SAMSN1: variants seen among roughly 807,000 people sequenced by gnomAD.
The protein encoded by SAMSN1 is SAM domain-containing protein SAMSN-1.
Under a neutral mutation model 42.0 loss-of-function variants are expected in SAMSN1, and 31 were observed. The ratio of observed to expected loss-of-function variants is 0.74; its 90% CI spans 0.55 to 1.00. The LOEUF is 1.00. Among genes scored for constraint, SAMSN1 ranks in the 50% least tolerant of loss-of-function variants. The probability of loss-of-function intolerance (pLI) is 0.00; values close to 1 mark genes in which losing one functional copy is unlikely to be tolerated. For synonymous variants in SAMSN1, 178 were observed against 151.9 expected (o/e 1.17, Z -1.26); for missense variants, 464 against 439.4 (o/e 1.06, Z -0.50).
At chr21:14,570,509 T>A (rs1344099353) in intron 2 of SAMSN1, among the ~76,000 whole-genome samples, 1 of 152,226 alleles carries the variant, frequency 6.6e-6, no homozygotes, top group Non-Finnish European at 1.5e-5. Flanking sequence ...AGATTTGGAA[T>A]GTGCAGTCGT....
rs143359821 is a variant in SAMSN1, at chr21:14,567,539, G to A, written c.261+14597C>T. On this transcript the variant is annotated intron_variant, in intron 2 of 8. Transcript: ENST00000285670. ...CTCTAATGGGATTTTTAGCCCAGTC[G>A]GTTGGAAAGCACAAAACTACCTCTG... is the stretch of plus-strand genomic sequence containing the variant. 9.2e-5 allele frequency among the ~76,000 whole-genome samples: 14 copies of A among 152,182 alleles called. 1 individual carries two copies. The South Asian group carries it at 2.1e-3, about 23-fold the overall frequency.
chr21:14,510,458 C>A lies in SAMSN1; in HGVS notation c.413G>T (p.Gly138Val), dbSNP rs759720021. 6.2e-7 allele frequency: 1 copy of A among 1,614,038 alleles called. No homozygotes were observed. Among genetic ancestry groups the A allele is most frequent in the Non-Finnish European group, 8.5e-7 (1 of 1,179,946 alleles). Residue 138 changes from glycine (G) to valine (V), a missense_variant, in exon 5 of 8, where the codon GGC (glycine) becomes GTC (valine). Transcript: ENST00000400566. ...SLYSGQSSSS[G>V]ITSCSDGTSN... is the part of the protein sequence containing the mutation. ...TGTACCATCTGAACAGCTTGTTATGCCACCTGATGAAAGCAGAAGTTCACA... is the reference window on the plus strand; with the variant it reads ...TGTACCATCTGAACAGCTTGTTATGACACCTGATGAAAGCAGAAGTTCACA...
intron 1 of SAMSN1, among the ~76,000 whole-genome samples, chr21:14,542,483 AAAAT>A (rs1187620572): frequency 6.6e-6 from 1 of 152,234 alleles, no homozygotes; most frequent in African/African-American, 2.4e-5. Context: ...TAAATATAGA[AAAAT>A]AAAATATTTT....
intron 3 of SAMSN1, among the ~76,000 whole-genome samples, chr21:14,516,578 G>A (rs1568780716): frequency 6.6e-6 from 1 of 152,090 alleles, no homozygotes; most frequent in Non-Finnish European, 1.5e-5. Context: ...TTTTAGTAGA[G>A]ACGGGGTTTC....
At chr21:14,586,060 G>A (rs1348845079), upstream of SAMSN1, among the ~76,000 whole-genome samples, 1 of 151,554 alleles carries the variant, frequency 6.6e-6, no homozygotes, top group Admixed American at 6.6e-5. Context: ...GTCAGGAGAT[G>A]GAGACCATCC....
At chr21:14,633,209 A>G (rs1350702782) in intron 2 of SAMSN1, among the ~76,000 whole-genome samples, 1 of 152,046 alleles carries the variant, frequency 6.6e-6, no homozygotes, top group African/African-American at 2.4e-5. Context: ...ACACACACAC[A>G]TACACACACA....
At chr21:14,552,769 A>C (rs1980641858) in intron 2 of SAMSN1, among the ~76,000 whole-genome samples, 1 of 152,130 alleles carries the variant, frequency 6.6e-6, no homozygotes, top group Non-Finnish European at 1.5e-5. Flanking sequence ...TTGGAGGTTT[A>C]GCTCTCCAAT....
At chr21:14,636,311 C>G (rs80249127) in intron 2 of SAMSN1, among the ~76,000 whole-genome samples, 1 of 152,110 alleles carries the variant, frequency 6.6e-6, no homozygotes, top group Admixed American at 6.5e-5. Flanking sequence ...CTTCTCATCT[C>G]CCAAAAAGAC....
intron 2 of SAMSN1, among the ~76,000 whole-genome samples, chr21:14,629,305 C>T (rs1196273369): frequency 6.6e-6 from 1 of 152,176 alleles, no homozygotes; most frequent in Non-Finnish European, 1.5e-5. Flanking sequence ...CTGCCATCAT[C>T]ATCATCAAAG....
intron 5 of SAMSN1, among the ~76,000 whole-genome samples, chr21:14,606,512 T>C (rs974657677): frequency 5.3e-5 from 8 of 152,110 alleles, no homozygotes; most frequent in Non-Finnish European, 7.4e-5. Context: ...TTCTTTTTTA[T>C]AAACTCAAGT....
intron 2 of SAMSN1, among the ~76,000 whole-genome samples, chr21:14,579,225 A>G (rs1240990228): frequency 6.6e-6 from 1 of 152,178 alleles, no homozygotes; most frequent in East Asian, 1.9e-4. Flanking sequence ...CCCTCTCTCC[A>G]AGTCCACTGA....
intron 2 of SAMSN1, among the ~76,000 whole-genome samples, chr21:14,577,284 A>ATATATT (rs1460040142): frequency 6.1e-4 from 33 of 53,822 alleles, no homozygotes; most frequent in Admixed American, 1.1e-3. Flanking sequence ...ATATATATAT[A>ATATATT]TTTTTTTTTT....
chr21:14,539,847 G>C lies in SAMSN1; in HGVS notation c.57+6358C>G, dbSNP rs182930443. ...GCCCGCATCGCCAAGTCAATCCTAA[G>C]CCAGAAGAACAAAGCTGGAGGCATC... On this transcript the variant is annotated intron_variant, in intron 1 of 7. Coordinates refer to ENST00000400566, the MANE Select transcript of SAMSN1 (RefSeq NM_022136.5). Among the ~76,000 whole-genome samples, 116 of 152,224 alleles carry C rather than the reference G, an allele frequency of 7.6e-4. 1 individual carries two copies. The highest frequency in any genetic ancestry group is 1.3e-3 in the Non-Finnish European group (89 of 68,030).
intron 7 of SAMSN1, among the ~76,000 whole-genome samples, 195 bp from the exon 8 acceptor site, chr21:14,486,309 T>C (rs142169326): frequency 5.4e-4 from 82 of 152,302 alleles, no homozygotes; most frequent in Non-Finnish European, 8.8e-4. Context: ...AGCTACTGTT[T>C]TATTAGAAGC....
At chr21:14,624,957 G>T (rs963303349) in intron 2 of SAMSN1, among the ~76,000 whole-genome samples, 53 of 152,132 alleles carry the variant, frequency 3.5e-4, no homozygotes, top group African/African-American at 1.2e-3. Context: ...TCCCTGGGAT[G>T]CAAGGCTGGT....
intron 2 of SAMSN1, among the ~76,000 whole-genome samples, chr21:14,577,280 A>ATTTTTT (rs1568816249): frequency 6.2e-5 from 3 of 48,416 alleles, no homozygotes; most frequent in African/African-American, 4.0e-4. Flanking sequence ...ATATATATAT[A>ATTTTTT]TATATTTTTT....
Position 14,512,231 on chromosome 21 carries a change from G to A in SAMSN1, c.409+213C>T, listed in dbSNP as rs373465861. Among the ~76,000 whole-genome samples, 164 of 152,248 alleles carry A rather than the reference G, an allele frequency of 1.1e-3. No homozygotes were observed. In the Middle Eastern group the frequency reaches 0.037, roughly 35 times the overall value. On this transcript the variant is annotated intron_variant, in intron 4 of 7. Coordinates refer to ENST00000400566, the MANE Select transcript of SAMSN1 (RefSeq NM_022136.5). ...ATCCCGAGGAGCCCCGTTGACTACAGTGTTAAAAGTTTTCACACACTATAT... is the reference window on the plus strand; with the variant it reads ...ATCCCGAGGAGCCCCGTTGACTACAATGTTAAAAGTTTTCACACACTATAT...
intron 2 of SAMSN1, among the ~76,000 whole-genome samples, chr21:14,635,960 A>G (rs542903098): frequency 6.6e-6 from 1 of 152,064 alleles, no homozygotes; most frequent in East Asian, 1.9e-4. Flanking sequence ...TCCCTCCCCC[A>G]GTCCCCCACC....
intron 2 of SAMSN1, among the ~76,000 whole-genome samples, chr21:14,573,129 G>T (rs1196742661): frequency 6.6e-6 from 1 of 152,126 alleles, no homozygotes; most frequent in African/African-American, 2.4e-5. Flanking sequence ...ACTCAAGGTG[G>T]CACCTAGTGT....
Sources: gnomAD v4.1 joint callset for allele counts (sites outside exome capture counted in the v4.1 genomes callset) on GRCh38, gnomAD v4.1.1 for gene constraint, MANE v1.5 for transcripts, NCBI Gene and HGNC (gene_info 2026-07-23, HGNC 2026-07-21) for gene names.